Variants in KIF1B observed in about 807,000 individuals in gnomAD.
The protein encoded by KIF1B is kinesin-like protein KIF1B.
In KIF1B, 76 loss-of-function variants were observed where a neutral mutation model predicts 241.9. The ratio of observed to expected loss-of-function variants is 0.31; its 90% CI spans 0.26 to 0.38. The LOEUF is 0.38. KIF1B is among the 10% of genes least tolerant of loss of function. The pLI, the probability that KIF1B is intolerant of heterozygous loss-of-function variation, is 1.00. For synonymous variants in KIF1B, 750 were observed against 796.7 expected (o/e 0.94, Z 0.99); for missense variants, 1,622 against 2,271.4 (o/e 0.71, Z 5.81).
chr1:10,347,809 G>A lies in KIF1B; in HGVS notation c.3846G>A (p.Gly1282=), dbSNP rs374156057. ...VDHTAGLPCQ[G]TFLLHQGIQR... ...ACACAGCAGGCTTGCCTTGCCAGGG[G>A]ACATTTTTGCTTCATCAGGTACTAA... is the stretch of plus-strand genomic sequence containing the variant. The change falls in exon 36 of 49, where the codon GGG becomes GGA. Residue 1282 remains glycine, a synonymous_variant. Coordinates refer to ENST00000676179, the MANE Select transcript of KIF1B (RefSeq NM_001365951.3). 8.1e-6 allele frequency: 13 copies of A among 1,613,142 alleles called. No individual in the cohort carries two copies. The highest frequency in any genetic ancestry group is 1.1e-5 in the Non-Finnish European group (13 of 1,179,322).
intron 14 of KIF1B, among the ~76,000 whole-genome samples, chr1:10,280,201 T>A (rs886206987): frequency 1.3e-5 from 2 of 152,068 alleles, no homozygotes; most frequent in African/African-American, 2.4e-5. Context: ...TGGGGCTAAT[T>A]TTTAGATTTG....
At chr1:10,271,450 G>C in intron 7 of KIF1B, 52 bp from the exon 8 acceptor site, 1 of 1,274,128 alleles carries the variant, frequency 7.8e-7, no homozygotes, top group South Asian at 1.2e-5. Flanking sequence ...AATATTTCCT[G>C]CTTCTATCTT....
intron 36 of KIF1B, 126 bp from the exon 37 acceptor site, chr1:10,348,523 T>G (rs1283185605): frequency 2.0e-5 from 15 of 734,662 alleles, no homozygotes; most frequent in Non-Finnish European, 5.0e-6. Context: ...TGGATAGCAT[T>G]TTCCGTCTTT....
At chr1:10,227,884 CT>C (rs1213402226) in intron 1 of KIF1B, 3 of 154,470 alleles carry the variant, frequency 1.9e-5, no homozygotes, top group African/African-American at 7.2e-5. Context: ...TAGAATTTTT[CT>C]GTAAAGAACT....
At chr1:10,292,281 TATA>T (rs749143202) in intron 17 of KIF1B, 159 bp downstream of exon 17, 1 of 673,418 alleles carries the variant, frequency 1.5e-6, no homozygotes. Context: ...AGCATGGTCT[TATA>T]GTACAAAGGC....
At chr1:10,305,343 T>G in intron 22 of KIF1B, 2 of 1,049,766 alleles carry the variant, frequency 1.9e-6, no homozygotes, top group Non-Finnish European at 2.3e-6. Flanking sequence ...TATCAGAATC[T>G]ATAAATTGGC....
chr1:10,250,407 C>T (rs937849249), intron 2 of KIF1B, among the ~76,000 whole-genome samples: 2 of 150,904 alleles, frequency 1.3e-5, no homozygotes, highest in Non-Finnish European at 2.9e-5. Flanking sequence ...GGTGCAATCT[C>T]AGGTCATTGC....
At chr1:10,371,914 C>T (rs1207217047) in intron 45 of KIF1B, among the ~76,000 whole-genome samples, 1 of 151,906 alleles carries the variant, frequency 6.6e-6, no homozygotes, top group Non-Finnish European at 1.5e-5. Flanking sequence ...CCACCCTGGG[C>T]GACAGAGCAA....
At chr1:10,339,148 TTGTTTTAACAAATCTTTCCAG>T (rs1308808562) in intron 31 of KIF1B, among the ~76,000 whole-genome samples, 1 of 152,208 alleles carries the variant, frequency 6.6e-6, no homozygotes, top group Non-Finnish European at 1.5e-5. Flanking sequence ...ATATAGCCCA[TTGTTTTAACAAATCTTTCCAG>T]AGTATCTTCT....
intron 1 of KIF1B, among the ~76,000 whole-genome samples, chr1:10,214,908 TA>T (rs1646743162): frequency 6.6e-6 from 1 of 151,748 alleles, no homozygotes; most frequent in African/African-American, 2.4e-5. Flanking sequence ...AATGGTGAGA[TA>T]AAGTTAACTC....
rs1317346327 is a variant in KIF1B, at chr1:10,296,964, G to A, written c.1929G>A (p.Glu643=). Residue 643 remains glutamate, a synonymous_variant, in exon 21 of 49, where the codon GAG becomes GAA. Transcript: ENST00000676179. ...RFNHPEQARA[E]REKTPSAETP... is the part of the protein sequence containing the mutation. ...ACCACCCGGAACAAGCACGAGCTGAGCGAGAGAAGACTCCTTCTGCTGAGA... is the reference window on the plus strand; with the variant it reads ...ACCACCCGGAACAAGCACGAGCTGAACGAGAGAAGACTCCTTCTGCTGAGA... 1.9e-6 allele frequency: 3 copies of A among 1,613,994 alleles called. No homozygotes were observed. Among genetic ancestry groups the A allele is most frequent in the Middle Eastern group, 1.6e-4 (1 of 6,084 alleles).
At chr1:10,299,082 AAAAG>A (rs1228056869) in intron 22 of KIF1B, 12 of 151,792 alleles carry the variant, frequency 7.9e-5, no homozygotes, top group African/African-American at 1.5e-4. Flanking sequence ...AAAAAAAAAA[AAAAG>A]AAACAAAAAC....
At chr1:10,333,485 A>G (rs1459967513) in intron 27 of KIF1B, among the ~76,000 whole-genome samples, 1 of 151,996 alleles carries the variant, frequency 6.6e-6, no homozygotes, top group Non-Finnish European at 1.5e-5. Context: ...AGGTCAGGAG[A>G]TCAAGACCAT....
intron 22 of KIF1B, among the ~76,000 whole-genome samples, chr1:10,299,916 C>A (rs937886957): frequency 9.9e-5 from 15 of 152,136 alleles, no homozygotes; most frequent in African/African-American, 3.6e-4. Flanking sequence ...GTAGCTTTTC[C>A]AACTCCTTAA....
rs1482405129 is a variant in KIF1B, at chr1:10,376,619, G to A, written c.*32G>A. On this transcript the variant is annotated 3_prime_UTR_variant, in exon 49 of 49. Coordinates refer to ENST00000676179, the MANE Select transcript of KIF1B (RefSeq NM_001365951.3). Reference sequence around the variant, plus strand: ...CTGCCGAGTGCCCTCACTCGCCTTCGAGAGATAAAGAAAGCGTTACCTCTC... The same window carrying A: ...CTGCCGAGTGCCCTCACTCGCCTTCAAGAGATAAAGAAAGCGTTACCTCTC... 9 of 1,603,290 alleles carry A rather than the reference G, an allele frequency of 5.6e-6. No individual in the cohort carries two copies. Among genetic ancestry groups the A allele is most frequent in the East Asian group, 2.2e-5 (1 of 44,842 alleles).
intron 8 of KIF1B, 94 bp downstream of exon 8, chr1:10,271,673 G>T (rs887689609): frequency 3.4e-6 from 3 of 876,660 alleles, no homozygotes; most frequent in South Asian, 2.7e-5. Flanking sequence ...ACATACATTT[G>T]TTTATGTATT....
At chr1:10,343,066 ATGT>A (rs1652459340) in intron 33 of KIF1B, among the ~76,000 whole-genome samples, 163 bp from the exon 34 acceptor site, 1 of 152,172 alleles carries the variant, frequency 6.6e-6, no homozygotes, top group Non-Finnish European at 1.5e-5. Flanking sequence ...TATACATAAA[ATGT>A]TGTTGCCTTC....
intron 2 of KIF1B, among the ~76,000 whole-genome samples, chr1:10,242,809 C>G (rs1423702243): frequency 1.3e-5 from 2 of 152,298 alleles, no homozygotes; most frequent in African/African-American, 2.4e-5. Flanking sequence ...ACCACTGCGC[C>G]TGGCCTATTA....
At chr1:10,238,381 CAAAAAAAAAAA>C (rs755794359) in intron 2 of KIF1B, among the ~76,000 whole-genome samples, 4 of 87,136 alleles carry the variant, frequency 4.6e-5, no homozygotes, top group Admixed American at 4.1e-4. Flanking sequence ...AACTTTGTCT[CAAAAAAAAAAA>C]AAAAAAAAAT....
Sources: allele counts gnomAD v4.1 joint callset (sites outside exome capture counted in the v4.1 genomes callset), GRCh38; gene constraint gnomAD v4.1.1; transcripts MANE v1.5; gene names NCBI Gene and HGNC (gene_info 2026-07-23, HGNC 2026-07-21).